Variants in LRMDA observed in about 807,000 individuals in gnomAD.
LRMDA encodes the protein leucine-rich melanocyte differentiation-associated protein.
LRMDA carries 18 observed loss-of-function variants against 29.8 expected under a neutral mutation model. The ratio of observed to expected loss-of-function variants is 0.60; its 90% CI spans 0.42 to 0.90. The LOEUF (loss-of-function observed/expected upper bound fraction) is 0.90, where lower values mean the gene tolerates loss of function less well. Ranked by LOEUF, LRMDA falls within the 40% of genes least tolerant of loss-of-function variation. LRMDA has a pLI of 0.00. For missense variants in LRMDA, 273 were observed against 273.9 expected, an observed-to-expected ratio of 1.00 and a Z score of 0.02; for synonymous variants, 125 against 109.4, an observed-to-expected ratio of 1.14 and a Z score of -0.89.
At chr10:76,414,179 C>T (rs926389269) in intron 6 of LRMDA, among the ~76,000 whole-genome samples, 1 of 152,222 alleles carries the variant, frequency 6.6e-6, no homozygotes, top group Non-Finnish European at 1.5e-5. Flanking sequence ...AGTGAAAGGA[C>T]ATTACCTCTG....
intron 5 of LRMDA, among the ~76,000 whole-genome samples, chr10:76,168,841 T>G (rs530310857): frequency 6.6e-6 from 1 of 152,232 alleles, no homozygotes; most frequent in Non-Finnish European, 1.5e-5. Flanking sequence ...GATCTCATTT[T>G]ATCCTTGACA....
At chr10:76,465,239 GTGGCCA>G (rs1324881205) in intron 6 of LRMDA, among the ~76,000 whole-genome samples, 1 of 152,178 alleles carries the variant, frequency 6.6e-6, no homozygotes, top group African/African-American at 2.4e-5. Flanking sequence ...AGGAATATTT[GTGGCCA>G]TGGGCATATG....
chr10:76,381,266 T>A (rs573118743), intron 6 of LRMDA, among the ~76,000 whole-genome samples: 1 of 152,106 alleles, frequency 6.6e-6, no homozygotes, highest in Non-Finnish European at 1.5e-5. Context: ...CATTTGTACG[T>A]CATTTAGGAC....
intron 2 of LRMDA, among the ~76,000 whole-genome samples, chr10:75,710,604 T>A (rs952997609): frequency 6.6e-6 from 1 of 152,144 alleles, no homozygotes; most frequent in African/African-American, 2.4e-5. Context: ...GCTGCCTTTT[T>A]CCCCCCGCTT....
At chr10:76,062,783 G>A (rs1002508840) in intron 5 of LRMDA, among the ~76,000 whole-genome samples, 1 of 151,078 alleles carries the variant, frequency 6.6e-6, no homozygotes, top group African/African-American at 2.4e-5. Context: ...TCAAATATTG[G>A]CCATTGAATC....
chr10:76,341,851 G>A (rs1466210777), intron 6 of LRMDA, among the ~76,000 whole-genome samples: 1 of 152,128 alleles, frequency 6.6e-6, no homozygotes, highest in Non-Finnish European at 1.5e-5. Context: ...CAAGAGACAG[G>A]AAGACCCAGG....
chr10:75,584,336 C>G (rs940086279), intron 2 of LRMDA, among the ~76,000 whole-genome samples: 8 of 152,164 alleles, frequency 5.3e-5, no homozygotes, highest in African/African-American at 1.9e-4. Flanking sequence ...AAAAAACTGG[C>G]TTACGTGTTC....
intron 5 of LRMDA, among the ~76,000 whole-genome samples, chr10:76,131,769 C>T (rs1474528311): frequency 6.6e-6 from 1 of 152,068 alleles, no homozygotes; most frequent in Non-Finnish European, 1.5e-5. Context: ...TGCACATTCT[C>T]TCTGAATTGT....
At chr10:76,378,858 C>CTTTTTTTTTTTT (rs144037195) in intron 6 of LRMDA, among the ~76,000 whole-genome samples, 69 of 118,942 alleles carry the variant, frequency 5.8e-4, no homozygotes, top group Non-Finnish European at 8.3e-4. Flanking sequence ...CTTTTTTTTT[C>CTTTTTTTTTTTT]TTTTTTTTTT....
At chr10:76,507,423 G>GT in intron 6 of LRMDA, among the ~76,000 whole-genome samples, 1 of 151,586 alleles carries the variant, frequency 6.6e-6, no homozygotes, top group East Asian at 1.9e-4. Flanking sequence ...TATTGTTTTT[G>GT]TTTTTTGCTA....
Position 75,724,238 on chromosome 10 carries a change from A to G in LRMDA, c.131+285744A>G, listed in dbSNP as rs909820347. Among the ~76,000 whole-genome samples, 3 of 152,190 alleles carry G rather than the reference A, an allele frequency of 2.0e-5. 1 individual carries two copies. The South Asian group carries it at 6.2e-4, about 32-fold the overall frequency. On this transcript the variant is annotated intron_variant, in intron 2 of 6. Transcript: ENST00000611255. ...TGAGGTTCAATTCACTGAAAGGCCAAATTATCTTCAACTACATTAGTCTGA... is the reference window on the plus strand; with the variant it reads ...TGAGGTTCAATTCACTGAAAGGCCAGATTATCTTCAACTACATTAGTCTGA...
At chr10:75,722,810 A>G (rs1842584442) in intron 2 of LRMDA, among the ~76,000 whole-genome samples, 1 of 152,266 alleles carries the variant, frequency 6.6e-6, no homozygotes, top group Non-Finnish European at 1.5e-5. Flanking sequence ...CTGTGGTGAC[A>G]TAGGTGATGA....
chr10:76,260,377 G>A (rs1427868567), intron 5 of LRMDA, among the ~76,000 whole-genome samples: 1 of 152,026 alleles, frequency 6.6e-6, no homozygotes, highest in Non-Finnish European at 1.5e-5. Context: ...CCAATCTAGT[G>A]GTGATGAATC....
chr10:76,266,603 C>T lies in LRMDA; in HGVS notation c.517-57798C>T, dbSNP rs562196303. On this transcript the variant is annotated intron_variant, in intron 5 of 6. Transcript: ENST00000611255. ...ACTAAGTACAGAGAAGTAAGAAAAG[C>T]GAGGAGGTAGAACAGCTGGGGCTTC... is the stretch of plus-strand genomic sequence containing the variant. 1.1e-4 allele frequency among the ~76,000 whole-genome samples: 17 copies of T among 152,190 alleles called. No homozygotes were observed. The East Asian group carries it at 2.7e-3, about 24-fold the overall frequency.
intron 2 of LRMDA, among the ~76,000 whole-genome samples, chr10:75,658,074 C>A (rs1335975439): frequency 6.6e-6 from 1 of 151,950 alleles, no homozygotes; most frequent in Non-Finnish European, 1.5e-5. Context: ...CCAAAAATTG[C>A]TGCTAATTGA....
intron 6 of LRMDA, among the ~76,000 whole-genome samples, chr10:76,439,653 G>A (rs1842280576): frequency 6.6e-6 from 1 of 152,168 alleles, no homozygotes; most frequent in Non-Finnish European, 1.5e-5. Context: ...AAGAAGATCA[G>A]GAGTGCTCCT....
intron 5 of LRMDA, among the ~76,000 whole-genome samples, chr10:76,112,341 C>T (rs1458215471): frequency 1.3e-5 from 2 of 152,208 alleles, no homozygotes; most frequent in African/African-American, 4.8e-5. Context: ...GCGCAGCTCC[C>T]TGCTTATCGC....
chr10:75,928,906 C>A (rs909696652), intron 2 of LRMDA, among the ~76,000 whole-genome samples: 3 of 152,162 alleles, frequency 2.0e-5, no homozygotes, highest in African/African-American at 7.2e-5. Context: ...CAGACAGGTG[C>A]AACACTGCCT....
intron 2 of LRMDA, among the ~76,000 whole-genome samples, chr10:75,891,946 G>A (rs924140219): frequency 1.3e-5 from 2 of 152,192 alleles, no homozygotes; most frequent in Non-Finnish European, 2.9e-5. Context: ...GGACCCCTGT[G>A]GGGAGGGGTC....
Sources: allele counts gnomAD v4.1 joint callset (sites outside exome capture counted in the v4.1 genomes callset), GRCh38; gene constraint gnomAD v4.1.1; transcripts MANE v1.5; gene names NCBI Gene and HGNC (gene_info 2026-07-23, HGNC 2026-07-21).